The following CPEB3 variants were observed in gnomAD, a reference collection of about 807,000 sequenced individuals.
CPEB3 encodes cytoplasmic polyadenylation element binding protein 3.
CPEB3 carries 20 observed loss-of-function variants against 67.2 expected under a neutral mutation model. The observed-to-expected ratio is 0.30, with a 90% CI of 0.21 to 0.43. The LOEUF (loss-of-function observed/expected upper bound fraction) is 0.43. Among genes scored for constraint, CPEB3 ranks in the 20% least tolerant of loss-of-function variants. The pLI is 1.00. For missense variants in CPEB3, 746 were observed against 968.6 expected, an observed-to-expected ratio of 0.77 and a Z score of 3.05; for synonymous variants, 376 against 393.1, an observed-to-expected ratio of 0.96 and a Z score of 0.51.
chr10:92,210,279 A>G (rs1850014032), intron 2 of CPEB3, among the ~76,000 whole-genome samples: 1 of 152,190 alleles, frequency 6.6e-6, no homozygotes, highest in Admixed American at 6.5e-5. Flanking sequence ...CCTCACCTGG[A>G]TGCTATAAAG....
At chr10:92,289,195 T>G (rs992771738) in intron 1 of CPEB3, among the ~76,000 whole-genome samples, 2 of 152,234 alleles carry the variant, frequency 1.3e-5, no homozygotes, top group African/African-American at 4.8e-5. Flanking sequence ...TGAGCCAAGA[T>G]AGTGCCACTG....
chr10:92,268,033 G>T (rs1370844993), intron 1 of CPEB3, among the ~76,000 whole-genome samples: 1 of 152,046 alleles, frequency 6.6e-6, no homozygotes, highest in African/African-American at 2.4e-5. Flanking sequence ...GGCCAGGATG[G>T]TCTCGATCTC....
At chr10:92,250,080 T>C (rs1310589170) in intron 1 of CPEB3, among the ~76,000 whole-genome samples, 1 of 151,702 alleles carries the variant, frequency 6.6e-6, no homozygotes, top group Non-Finnish European at 1.5e-5. Flanking sequence ...TAAGCTGTTA[T>C]TACAAGTGTC....
At chr10:92,135,019 T>C (rs1846023900) in intron 6 of CPEB3, among the ~76,000 whole-genome samples, 1 of 152,160 alleles carries the variant, frequency 6.6e-6, no homozygotes, top group South Asian at 2.1e-4. Context: ...TAATTCAAGA[T>C]GGATTAAAGA....
intron 6 of CPEB3, among the ~76,000 whole-genome samples, chr10:92,129,248 A>ATAC (rs1009969621): frequency 5.3e-5 from 8 of 152,188 alleles, no homozygotes; most frequent in Non-Finnish European, 1.0e-4. Flanking sequence ...AGAAAACCAA[A>ATAC]TACCACATGT....
chr10:92,137,149 G>A, intron 6 of CPEB3: 1 of 352,736 alleles, frequency 2.8e-6, no homozygotes. Context: ...AGATCTAAAG[G>A]CTACCCACAC....
At chr10:92,122,954 A>T (rs1039599542) in intron 6 of CPEB3, among the ~76,000 whole-genome samples, 2 of 152,208 alleles carry the variant, frequency 1.3e-5, no homozygotes. Context: ...TATTTCTTTA[A>T]CAATATTTAC....
At chr10:92,143,538 G>T (rs1039356485) in intron 5 of CPEB3, among the ~76,000 whole-genome samples, 1 of 152,142 alleles carries the variant, frequency 6.6e-6, no homozygotes, top group Non-Finnish European at 1.5e-5. Flanking sequence ...TTAAGAAATA[G>T]ATACGATTCT....
intron 2 of CPEB3, among the ~76,000 whole-genome samples, chr10:92,212,904 TACAAAAAATAAATAAAATTTAAAAA>T (rs1412189578): frequency 6.6e-6 from 1 of 152,106 alleles, no homozygotes; most frequent in African/African-American, 2.4e-5. Context: ...ACCCCATCTC[TACAAAAAATAAATAAAATTTAAAAA>T]ATTTCAAGTG....
At chr10:92,054,439 T>C (rs1842037063) in intron 9 of CPEB3, among the ~76,000 whole-genome samples, 2 of 152,144 alleles carry the variant, frequency 1.3e-5, no homozygotes, top group South Asian at 4.1e-4. Context: ...CTTTTTTTTT[T>C]TGAGACGGCG....
chr10:92,258,025 C>A (rs1272050045), intron 1 of CPEB3, among the ~76,000 whole-genome samples: 1 of 151,008 alleles, frequency 6.6e-6, no homozygotes, highest in Non-Finnish European at 1.5e-5. Context: ...TTATCGTGCC[C>A]GGCCTCTCAA....
At chr10:92,066,649 G>C (rs762795865) in intron 9 of CPEB3, among the ~76,000 whole-genome samples, 1 of 152,008 alleles carries the variant, frequency 6.6e-6, no homozygotes, top group Non-Finnish European at 1.5e-5. Flanking sequence ...ATCTAGCCAG[G>C]CCTAAAAACC....
At chr10:92,168,793 T>TC (rs1236796434) in intron 4 of CPEB3, among the ~76,000 whole-genome samples, 6 of 139,374 alleles carry the variant, frequency 4.3e-5, no homozygotes, top group Admixed American at 1.4e-4. Flanking sequence ...CTCTTGCCCT[T>TC]TTTTTTTTTT....
intron 3 of CPEB3, among the ~76,000 whole-genome samples, chr10:92,182,460 C>T (rs1848499733): frequency 6.6e-6 from 1 of 152,052 alleles, no homozygotes; most frequent in Non-Finnish European, 1.5e-5. Flanking sequence ...GAAGTTTTTG[C>T]CTAGACAGGA....
rs1043393309 is a variant in CPEB3 at position 92,216,894 on chromosome 10, C to T, written c.1005+22452G>A. Reference sequence around the variant, plus strand: ...CCCACCCACACTGACGGCATCTTCCCAGTTCCCCAAGGCACGCCTTCTTAC... The same window carrying T: ...CCCACCCACACTGACGGCATCTTCCTAGTTCCCCAAGGCACGCCTTCTTAC... On this transcript the variant is annotated intron_variant, in intron 2 of 9. Transcript: ENST00000265997. The T allele has an allele frequency of 4.6e-6, 5 of 1,082,462 alleles. No individual in the cohort carries two copies. The African/African-American group carries it at 4.6e-5, about 10-fold the overall frequency. The allele number at this position is 1,082,462 out of a possible 1,614,324, so 67.1% of individuals were successfully genotyped here.
intron 3 of CPEB3, among the ~76,000 whole-genome samples, chr10:92,182,704 T>C (rs1848511733): frequency 6.6e-6 from 1 of 151,618 alleles, no homozygotes; most frequent in Non-Finnish European, 1.5e-5. Flanking sequence ...TGGATGCCCA[T>C]AATCCCAGCT....
intron 7 of CPEB3, among the ~76,000 whole-genome samples, chr10:92,106,613 G>A (rs568601264): frequency 2.6e-5 from 4 of 151,874 alleles, no homozygotes; most frequent in African/African-American, 7.2e-5. Flanking sequence ...TGAGGAGTTC[G>A]AGACCAGCCT....
intron 9 of CPEB3, among the ~76,000 whole-genome samples, chr10:92,073,481 C>A (rs572009419): frequency 6.6e-6 from 1 of 152,248 alleles, no homozygotes; most frequent in Non-Finnish European, 1.5e-5. Context: ...TGGCAAAACC[C>A]AGGTTGGAGT....
intron 7 of CPEB3, among the ~76,000 whole-genome samples, chr10:92,094,827 A>T (rs1309009501): frequency 6.6e-6 from 1 of 151,872 alleles, no homozygotes; most frequent in African/African-American, 2.4e-5. Context: ...ACACACACAC[A>T]CACACACACA....
Sources: gnomAD v4.1 joint callset for allele counts (sites outside exome capture counted in the v4.1 genomes callset) on GRCh38, gnomAD v4.1.1 for gene constraint, MANE v1.5 for transcripts, NCBI Gene and HGNC (gene_info 2026-07-23, HGNC 2026-07-21) for gene names.